SLC35F4: variants seen among roughly 807,000 people sequenced by gnomAD.
SLC35F4 encodes the protein chromosome 14 open reading frame 36.
A neutral mutation model predicts 44.2 loss-of-function variants in SLC35F4; 24 were observed. That is an observed-to-expected ratio of 0.54 (90% CI 0.39 to 0.76). The LOEUF (loss-of-function observed/expected upper bound fraction) is 0.76. SLC35F4 is among the 30% of genes least tolerant of loss of function. The probability of loss-of-function intolerance (pLI) is 0.00; values close to 1 mark genes in which losing one functional copy is unlikely to be tolerated. For synonymous variants in SLC35F4, 238 were observed against 223.6 expected (o/e 1.06, Z -0.57); for missense variants, 562 against 586.1 (o/e 0.96, Z 0.42).
chr14:57,831,953 G>T (rs886441390), intron 1 of SLC35F4, among the ~76,000 whole-genome samples: 3 of 152,104 alleles, frequency 2.0e-5, no homozygotes, highest in Non-Finnish European at 2.9e-5. Context: ...TCATGTTTTT[G>T]AGCACTGCAA....
At chr14:57,901,571 A>G (rs1889001483) in intron 1 of SLC35F4, among the ~76,000 whole-genome samples, 1 of 152,114 alleles carries the variant, frequency 6.6e-6, no homozygotes, top group Non-Finnish European at 1.5e-5. Flanking sequence ...TAGCTAATGG[A>G]TGCTGGGCTT....
Position 57,865,781 on chromosome 14 carries a change from G to A in SLC35F4, c.45C>T (p.Asp15=). 2 of 1,523,074 alleles carry A rather than the reference G, an allele frequency of 1.3e-6. No individual in the cohort carries two copies. The highest frequency in any genetic ancestry group is 2.0e-5 in the Admixed American group (1 of 49,424). 94.3% of individuals were successfully genotyped at this position (1,523,074 alleles called of 1,614,324 possible). ...AAPNGVATIE[D]RILRITGYYG... ...AGTAGCCGGTGATCCGCAGGATCCG[G>A]TCCTCGATAGTGGCCACCCCGTTGG... Residue 15 remains aspartate (D), a synonymous_variant, in exon 1 of 8, where the codon GAC becomes GAT. Transcript: ENST00000556826.
intron 1 of SLC35F4, among the ~76,000 whole-genome samples, chr14:57,646,232 G>A (rs1393672545): frequency 1.3e-5 from 2 of 152,174 alleles, no homozygotes; most frequent in South Asian, 2.1e-4. Flanking sequence ...GGTAGAATTC[G>A]GCTGTGAATC....
chr14:57,629,859 T>TAAAAAA, intron 1 of SLC35F4: 5 of 342,760 alleles, frequency 1.5e-5, no homozygotes, highest in East Asian at 7.4e-5. Flanking sequence ...GCAGACAGTT[T>TAAAAAA]GCTGAGACTG....
intron 1 of SLC35F4, among the ~76,000 whole-genome samples, chr14:57,637,231 T>G (rs574175355): frequency 6.6e-6 from 1 of 152,216 alleles, no homozygotes; most frequent in East Asian, 1.9e-4. Flanking sequence ...CATCAACCTG[T>G]AGAAAAAAGT....
At chr14:57,848,292 G>A (rs960269795) in intron 1 of SLC35F4, among the ~76,000 whole-genome samples, 1 of 152,172 alleles carries the variant, frequency 6.6e-6, no homozygotes, top group Non-Finnish European at 1.5e-5. Flanking sequence ...AAAGGGCAGA[G>A]GTTTATTCTC....
intron 1 of SLC35F4, among the ~76,000 whole-genome samples, chr14:57,665,239 C>G (rs12897429): frequency 0.14 from 20,583 of 151,996 alleles, 1,673 homozygotes; most frequent in African/African-American, 0.22. Context: ...TAACTCAGGT[C>G]TTCAGACAGC....
At chr14:57,734,734 TC>T (rs1374452002) in intron 1 of SLC35F4, among the ~76,000 whole-genome samples, 4 of 152,310 alleles carry the variant, frequency 2.6e-5, no homozygotes, top group African/African-American at 9.6e-5. Context: ...AGAAGCCTAC[TC>T]TATTAAATGA....
chr14:57,604,739 G>T (rs1315769657), intron 1 of SLC35F4, among the ~76,000 whole-genome samples: 1 of 152,144 alleles, frequency 6.6e-6, no homozygotes, highest in Admixed American at 6.5e-5. Flanking sequence ...AAACAGCATG[G>T]TACTGGTACA....
At chr14:57,904,115 C>T (rs995140407) in intron 1 of SLC35F4, among the ~76,000 whole-genome samples, 2 of 152,188 alleles carry the variant, frequency 1.3e-5, no homozygotes. Flanking sequence ...TGCAACTCTG[C>T]ATCAATTTGT....
chr14:57,819,203 C>T (rs139261165), intron 1 of SLC35F4, among the ~76,000 whole-genome samples: 54 of 152,020 alleles, frequency 3.6e-4, no homozygotes, highest in Admixed American at 2.8e-3. Context: ...GATTCATATT[C>T]TAAAACCAAT....
At chr14:57,827,292 A>G (rs1883887524) in intron 1 of SLC35F4, among the ~76,000 whole-genome samples, 1 of 152,164 alleles carries the variant, frequency 6.6e-6, no homozygotes, top group Admixed American at 6.6e-5. Flanking sequence ...GTCAGTTATA[A>G]GTGGAAGCTG....
At chr14:57,824,488 TAAAC>T (rs1254075864) in intron 1 of SLC35F4, among the ~76,000 whole-genome samples, 1 of 152,210 alleles carries the variant, frequency 6.6e-6, no homozygotes, top group African/African-American at 2.4e-5. Context: ...AGATGATTGA[TAAAC>T]AGATGATAGA....
Position 57,781,237 on chromosome 14 carries a change from A to G in SLC35F4, c.103+84486T>C, listed in dbSNP as rs141992950. On this transcript the variant is annotated intron_variant, in intron 1 of 7. Coordinates refer to ENST00000556826, the MANE Select transcript of SLC35F4 (RefSeq NM_001306087.2). ...ATTTACAAGGAAAAAAACCCACTATATTAAAAAGTGGGCAAAAAAACATGA... is the reference window on the plus strand; with the variant it reads ...ATTTACAAGGAAAAAAACCCACTATGTTAAAAAGTGGGCAAAAAAACATGA... Among the ~76,000 whole-genome samples, 919 of 152,136 alleles carry G rather than the reference A, an allele frequency of 6.0e-3. 12 individuals are homozygous for G. Among genetic ancestry groups the G allele is most frequent in the African/African-American group, 0.021 (855 of 41,550 alleles).
At chr14:57,733,688 A>G (rs1052460603) in intron 1 of SLC35F4, among the ~76,000 whole-genome samples, 1 of 152,076 alleles carries the variant, frequency 6.6e-6, no homozygotes, top group African/African-American at 2.4e-5. Flanking sequence ...AAACATTTTT[A>G]TTATGGAAAA....
At chr14:57,743,834 A>T (rs2076686754) in intron 1 of SLC35F4, among the ~76,000 whole-genome samples, 1 of 152,244 alleles carries the variant, frequency 6.6e-6, no homozygotes, top group Non-Finnish European at 1.5e-5. Context: ...TCAATAAAAT[A>T]CTGGCAAACC....
chr14:57,907,134 T>G (rs922803514), intron 1 of SLC35F4, among the ~76,000 whole-genome samples: 1 of 152,222 alleles, frequency 6.6e-6, no homozygotes, highest in African/African-American at 2.4e-5. Flanking sequence ...TTGTCCAGGC[T>G]GAGGGGCAGT....
At chr14:57,830,886 G>A (rs924694521) in intron 1 of SLC35F4, among the ~76,000 whole-genome samples, 2 of 152,142 alleles carry the variant, frequency 1.3e-5, no homozygotes, top group Non-Finnish European at 2.9e-5. Context: ...ACTGAACACA[G>A]TGCCCATTTC....
chr14:57,708,569 T>G (rs1270227214), intron 1 of SLC35F4, among the ~76,000 whole-genome samples: 6 of 152,184 alleles, frequency 3.9e-5, no homozygotes, highest in Non-Finnish European at 5.9e-5. Context: ...CAGGCTGAGG[T>G]GTTCTCAGTT....
Sources: gnomAD v4.1 joint callset for allele counts (sites outside exome capture counted in the v4.1 genomes callset) on GRCh38, gnomAD v4.1.1 for gene constraint, MANE v1.5 for transcripts, NCBI Gene and HGNC (gene_info 2026-07-23, HGNC 2026-07-21) for gene names.